The following JPH3 variants were observed in gnomAD, a reference collection of about 807,000 sequenced individuals.
JPH3 encodes the protein junctophilin-3.
A neutral mutation model predicts 59.6 loss-of-function variants in JPH3; 11 were observed. The observed-to-expected ratio is 0.18, with a 90% CI of 0.12 to 0.31. The LOEUF (loss-of-function observed/expected upper bound fraction) is 0.31. JPH3 is among the 10% of genes least tolerant of loss of function. The pLI, the probability that JPH3 is intolerant of heterozygous loss-of-function variation, is 1.00. For missense variants in JPH3, 1,202 were observed against 1,105.7 expected (o/e 1.09, Z -1.24); for synonymous variants, 673 against 483.6 (o/e 1.39, Z -5.14).
At chr16:87,683,440 G>A (rs1479741179) in intron 2 of JPH3, among the ~76,000 whole-genome samples, 5 of 152,010 alleles carry the variant, frequency 3.3e-5, no homozygotes, top group African/African-American at 1.2e-4. Context: ...GAGTAGCTGG[G>A]ATTACAGGCA....
chr16:87,669,989 C>T (rs901288118), intron 2 of JPH3, among the ~76,000 whole-genome samples: 2 of 152,132 alleles, frequency 1.3e-5, no homozygotes, highest in African/African-American at 2.4e-5. Context: ...GGGGGTAATC[C>T]GAGGCTGCGT....
intron 3 of JPH3, among the ~76,000 whole-genome samples, chr16:87,684,862 G>C (rs1275485237): frequency 2.6e-5 from 4 of 151,978 alleles, no homozygotes; most frequent in Non-Finnish European, 4.4e-5. Context: ...CCCAGTGACA[G>C]TGGCGGGGGC....
At chr16:87,684,712 A>G (rs1440611715) in intron 3 of JPH3, among the ~76,000 whole-genome samples, 1 of 152,168 alleles carries the variant, frequency 6.6e-6, no homozygotes, top group Non-Finnish European at 1.5e-5. Context: ...CTAACTTACC[A>G]TTAAACACAC....
At chr16:87,681,002 T>A (rs2033274951) in intron 2 of JPH3, among the ~76,000 whole-genome samples, 1 of 152,178 alleles carries the variant, frequency 6.6e-6, no homozygotes, top group East Asian at 1.9e-4. Flanking sequence ...GGTCGAGGTC[T>A]GAACAGCCGG....
intron 1 of JPH3, among the ~76,000 whole-genome samples, chr16:87,633,257 A>G (rs947806660): frequency 2.0e-5 from 3 of 151,888 alleles, no homozygotes; most frequent in Admixed American, 1.3e-4. Flanking sequence ...CCCTTCATAG[A>G]AAGACACCAG....
chr16:87,688,430 G>A (rs976307352), intron 3 of JPH3, among the ~76,000 whole-genome samples: 2 of 152,176 alleles, frequency 1.3e-5, no homozygotes, highest in Non-Finnish European at 2.9e-5. Flanking sequence ...GCCACACCGA[G>A]GGTAGCCATG....
intron 1 of JPH3, among the ~76,000 whole-genome samples, chr16:87,637,924 A>T (rs561333588): frequency 6.0e-5 from 9 of 151,236 alleles, no homozygotes; most frequent in East Asian, 1.9e-4. Flanking sequence ...TAAAAAAAAA[A>T]TTTTTTTTTG....
chr16:87,683,180 C>T (rs2033336344), intron 2 of JPH3, among the ~76,000 whole-genome samples: 1 of 152,256 alleles, frequency 6.6e-6, no homozygotes, highest in Non-Finnish European at 1.5e-5. Flanking sequence ...GCAACCCACA[C>T]CGGGGCAGTG....
At chr16:87,695,335 CA>C in intron 4 of JPH3, 1 of 456,072 alleles carries the variant, frequency 2.2e-6, no homozygotes, top group South Asian at 1.5e-5. Flanking sequence ...AGTCTGTTAA[CA>C]GGGAGGGGGA....
In JPH3 at chr16:87,689,671, T is replaced by C; in HGVS notation, c.1311T>C (p.Arg437=). The change falls in exon 4 of 5, where the codon CGT becomes CGC. Residue 437 remains arginine, a synonymous_variant. Coordinates refer to ENST00000284262, the MANE Select transcript of JPH3 (RefSeq NM_020655.4). ...GGCTGGAGTACCAGAGGCCGAAGCGTCAGACCTCCTGTGACGACATCGAGG... is the reference window on the plus strand; with the variant it reads ...GGCTGGAGTACCAGAGGCCGAAGCGCCAGACCTCCTGTGACGACATCGAGG... The part of the protein sequence containing the change: ...ENGLEYQRPK[R]QTSCDDIEVL... The C allele has an allele frequency of 6.2e-7, 1 of 1,612,156 alleles. No individual in the cohort carries two copies.
intron 2 of JPH3, among the ~76,000 whole-genome samples, chr16:87,677,681 GA>G (rs2033186560): frequency 1.3e-5 from 2 of 152,212 alleles, no homozygotes; most frequent in African/African-American, 4.8e-5. Flanking sequence ...AGGGAGTCTG[GA>G]AAGCAGAGAT....
At chr16:87,632,161 T>C (rs2031584109) in intron 1 of JPH3, among the ~76,000 whole-genome samples, 1 of 152,228 alleles carries the variant, frequency 6.6e-6, no homozygotes, top group Non-Finnish European at 1.5e-5. Flanking sequence ...AGAGGAATTT[T>C]CCACCTCTCT....
chr16:87,624,551 C>T (rs2031301341), intron 1 of JPH3, among the ~76,000 whole-genome samples: 1 of 152,248 alleles, frequency 6.6e-6, no homozygotes, highest in African/African-American at 2.4e-5. Flanking sequence ...GAATCTGCCA[C>T]CACTCAGGAT....
chr16:87,604,618 TC>T (rs1304537253), intron 1 of JPH3: 11 of 1,202,366 alleles, frequency 9.1e-6, no homozygotes, highest in Non-Finnish European at 6.3e-6. Flanking sequence ...AGAATAAAAA[TC>T]CTGAGCGTAC....
At chr16:87,612,646 G>A (rs1484536923) in intron 1 of JPH3, among the ~76,000 whole-genome samples, 6 of 152,138 alleles carry the variant, frequency 3.9e-5, no homozygotes, top group Non-Finnish European at 8.8e-5. Context: ...AGCAAGCAGG[G>A]CCTAGAGTTG....
intron 2 of JPH3, among the ~76,000 whole-genome samples, chr16:87,651,876 C>G (rs1025420136): frequency 3.3e-5 from 5 of 152,238 alleles, no homozygotes; most frequent in Non-Finnish European, 7.3e-5. Context: ...TCCAATGAAG[C>G]TCTACCGTGA....
chr16:87,690,068 A>C lies in JPH3; in HGVS notation c.1708A>C (p.Lys570Gln). Residue 570 changes from lysine to glutamine, a missense_variant, in exon 4 of 5, where the codon AAG (lysine) becomes CAG (glutamine). Physicochemically the swap from Lys to Gln is moderately conservative, Grantham distance 53 (BLOSUM62 1). Transcript: ENST00000284262. ...GGGCCGCAAGCAGCCCGGGAACCCC[A>C]AGCCGCGGGAGCGGCGGACGGAGTC... ...GSGRKQPGNP[K>Q]PRERRTESPP... 1 of 1,579,418 alleles carries C rather than the reference A, an allele frequency of 6.3e-7. No individual in the cohort carries two copies. The highest frequency in any genetic ancestry group is 8.6e-7 in the Non-Finnish European group (1 of 1,162,516).
At chr16:87,622,859 C>T (rs1207828329) in intron 1 of JPH3, among the ~76,000 whole-genome samples, 1 of 152,158 alleles carries the variant, frequency 6.6e-6, no homozygotes, top group Non-Finnish European at 1.5e-5. Flanking sequence ...CCTGCCCCAA[C>T]TCAGCCTCTG....
intron 2 of JPH3, among the ~76,000 whole-genome samples, chr16:87,676,399 T>A (rs898414135): frequency 1.3e-5 from 2 of 152,214 alleles, no homozygotes; most frequent in Admixed American, 1.3e-4. Flanking sequence ...AGGTTTACGG[T>A]ATATAAATAT....
Sources: gnomAD v4.1 joint callset for allele counts (sites outside exome capture counted in the v4.1 genomes callset) on GRCh38, gnomAD v4.1.1 for gene constraint, MANE v1.5 for transcripts, NCBI Gene and HGNC (gene_info 2026-07-23, HGNC 2026-07-21) for gene names.